TRIP11: variants seen among roughly 807,000 people sequenced by gnomAD.
TRIP11 encodes thyroid receptor-interacting protein 11.
A neutral mutation model predicts 223.1 loss-of-function variants in TRIP11; 148 were observed. The observed-to-expected ratio is 0.66, with a 90% CI of 0.58 to 0.76. TRIP11 has a LOEUF of 0.76. Ranked by LOEUF, TRIP11 falls within the 30% of genes least tolerant of loss-of-function variation. TRIP11 has a pLI of 0.00. For missense variants in TRIP11, 2,043 were observed against 2,222.0 expected (o/e 0.92, Z 1.62); for synonymous variants, 762 against 772.6 (o/e 0.99, Z 0.23).
chr14:92,004,603 T>C lies in TRIP11; in HGVS notation c.3373A>G (p.Ile1125Val). 1 of 1,614,128 alleles carries C rather than the reference T, an allele frequency of 6.2e-7. No homozygotes were observed. Among genetic ancestry groups the C allele is most frequent in the Non-Finnish European group, 8.5e-7 (1 of 1,180,028 alleles). Residue 1125 changes from isoleucine to valine, a missense_variant, in exon 11 of 21, where the codon ATT becomes GTT. Ile to Val is a conservative substitution (Grantham distance 29). Coordinates refer to ENST00000267622, the MANE Select transcript of TRIP11 (RefSeq NM_004239.4). ...LKTEYHKMMD[I>V]VAAKEAALIK... ...AGAGCTGCTTCCTTGGCAGCAACAA[T>C]ATCCATCATTTTGTGATATTCTGTT...
intron 1 of TRIP11, among the ~76,000 whole-genome samples, chr14:92,036,830 G>C (rs1285665420): frequency 6.6e-6 from 1 of 152,052 alleles, no homozygotes; most frequent in Non-Finnish European, 1.5e-5. Flanking sequence ...TAACTACTGG[G>C]CTCAAGCAAA....
At chr14:92,018,791 AT>A (rs2057069885) in intron 4 of TRIP11, among the ~76,000 whole-genome samples, 1 of 151,816 alleles carries the variant, frequency 6.6e-6, no homozygotes, top group Non-Finnish European at 1.5e-5. Context: ...CCCCGTCACT[AT>A]TAAAAATACA....
rs867996273 is a variant in TRIP11, at chr14:91,968,649, G to A, written c.*1024C>T. 1 of 224,988 alleles carries A rather than the reference G, an allele frequency of 4.4e-6. No homozygotes were observed. Among genetic ancestry groups the A allele is most frequent in the African/African-American group, 2.2e-5 (1 of 44,816 alleles). 13.9% of individuals were successfully genotyped at this position (224,988 alleles called of 1,614,324 possible). On this transcript the variant is annotated 3_prime_UTR_variant, in exon 21 of 21. Transcript: ENST00000267622. ...TAGATACCTTAGCTGTTAAAACTAA[G>A]TGATATATCTGCACTATATGCTCAA...
chr14:91,992,685 G>A (rs895966614), intron 15 of TRIP11, among the ~76,000 whole-genome samples: 36 of 151,778 alleles, frequency 2.4e-4, no homozygotes, highest in Admixed American at 3.9e-4. Context: ...CAAGGCGGGC[G>A]GATCACGAGG....
intron 11 of TRIP11, among the ~76,000 whole-genome samples, chr14:92,002,939 A>G (rs2056845807): frequency 6.6e-6 from 1 of 152,038 alleles, no homozygotes; most frequent in Non-Finnish European, 1.5e-5. Context: ...TGGTTCCTCA[A>G]ACTTTTCAGT....
chr14:92,037,145 C>T lies in TRIP11; in HGVS notation c.139+2402G>A, dbSNP rs1432615015. Among the ~76,000 whole-genome samples the T allele has an allele frequency of 6.6e-6, 1 of 152,208 alleles. No individual in the cohort carries two copies. The highest frequency in any genetic ancestry group is 1.5e-5 in the Non-Finnish European group (1 of 68,040). ...AACTTTGCAGATTTCTAATCACGCA[C>T]TTGTGCCATTTTTATTGAGCATCTA... is the stretch of plus-strand genomic sequence containing the variant. On this transcript the variant is annotated intron_variant, in intron 1 of 20. Transcript: ENST00000267622. This position sits in a 1 kb window ranked among gnomAD's most constrained non-coding sequence, Gnocchi z 4.2.
chr14:91,970,215 T>C (rs992070386), intron 20 of TRIP11, among the ~76,000 whole-genome samples: 7 of 152,098 alleles, frequency 4.6e-5, no homozygotes, highest in Non-Finnish European at 1.0e-4. Context: ...GAGACCAGCC[T>C]GGCCAACATG....
intron 2 of TRIP11, among the ~76,000 whole-genome samples, chr14:92,031,126 C>T (rs925459000): frequency 6.6e-6 from 1 of 151,974 alleles, no homozygotes; most frequent in Non-Finnish European, 1.5e-5. Flanking sequence ...TATTTACTTA[C>T]TTACTTACTT....
chr14:92,023,127 A>G lies in TRIP11; in HGVS notation c.313-1296T>C, dbSNP rs1247362053. Among the ~76,000 whole-genome samples, 4 of 152,218 alleles carry G rather than the reference A, an allele frequency of 2.6e-5. 1 individual carries two copies. Among genetic ancestry groups the G allele is most frequent in the African/African-American group, 9.6e-5 (4 of 41,456 alleles). On this transcript the variant is annotated intron_variant, in intron 3 of 20. Coordinates refer to ENST00000267622, the MANE Select transcript of TRIP11 (RefSeq NM_004239.4). ...GTAATAACAGATATTTCCAAACCTG[A>G]ATGCTTAATGTGCCCTCTAATATCG...
rs2057332937 is a variant in TRIP11 at position 92,037,093 on chromosome 14, A to G, written c.139+2454T>C. Among the ~76,000 whole-genome samples, 1 of 152,230 alleles carries G rather than the reference A, an allele frequency of 6.6e-6. No individual in the cohort carries two copies. The highest frequency in any genetic ancestry group is 2.4e-5 in the African/African-American group (1 of 41,452). ...TGTTAAGCAAGTCCGATTGAAATAC[A>G]AAGGGGAAAGAATAAAGGCATTAAG... is the stretch of plus-strand genomic sequence containing the variant. On this transcript the variant is annotated intron_variant, in intron 1 of 20. Transcript: ENST00000267622. This position sits in a 1 kb window ranked among gnomAD's most constrained non-coding sequence, Gnocchi z 4.2.
At chr14:91,999,504 A>C in intron 12 of TRIP11, 71 bp from the exon 13 acceptor site, 1 of 1,487,714 alleles carries the variant, frequency 6.7e-7, no homozygotes, top group Non-Finnish European at 9.3e-7. Context: ...TTTGTTATCA[A>C]ATCTTTTTCC....
chr14:92,001,458 C>A (rs1163843882), intron 11 of TRIP11, among the ~76,000 whole-genome samples: 2 of 150,434 alleles, frequency 1.3e-5, no homozygotes, highest in East Asian at 3.9e-4. Flanking sequence ...TTGAGAACAT[C>A]CTTTTCTCCC....
intron 20 of TRIP11, among the ~76,000 whole-genome samples, chr14:91,971,432 AACCCAAGCCATC>A: frequency 6.6e-6 from 1 of 152,332 alleles, no homozygotes; most frequent in South Asian, 2.1e-4. Context: ...AGCCTATATC[AACCCAAGCCATC>A]ACCAGCTTTT....
At chr14:91,996,737 G>T (rs1199454505) in intron 13 of TRIP11, among the ~76,000 whole-genome samples, 1 of 152,142 alleles carries the variant, frequency 6.6e-6, no homozygotes, top group East Asian at 1.9e-4. Flanking sequence ...TATTCATGGT[G>T]AATTCACAAC....
intron 16 of TRIP11, among the ~76,000 whole-genome samples, chr14:91,982,997 G>T (rs2056563282): frequency 6.6e-6 from 1 of 152,120 alleles, no homozygotes; most frequent in Non-Finnish European, 1.5e-5. Context: ...TCCAGATTAT[G>T]ACACACAGTT....
chr14:92,040,031 G>A lies in TRIP11; in HGVS notation c.-346C>T, dbSNP rs1409269943. The A allele has an allele frequency of 4.7e-6, 2 of 425,412 alleles. No individual in the cohort carries two copies. The highest frequency in any genetic ancestry group is 2.4e-5 in the South Asian group (1 of 41,936). 26.4% of individuals were successfully genotyped at this position (425,412 alleles called of 1,614,324 possible). The stretch of plus-strand genomic sequence containing the variant: ...CTGCCAACTCGACGCCGGCCGCCAT[G>A]ACACTCGCTCGGAAAGCGGCAGCGG... On this transcript the variant is annotated 5_prime_UTR_variant, in exon 1 of 21. Coordinates refer to ENST00000267622, the MANE Select transcript of TRIP11 (RefSeq NM_004239.4).
intron 4 of TRIP11, among the ~76,000 whole-genome samples, chr14:92,020,357 T>C (rs1472923386): frequency 6.6e-6 from 1 of 151,950 alleles, no homozygotes; most frequent in African/African-American, 2.4e-5. Flanking sequence ...CTGTATAAAA[T>C]CTGATATATA....
rs969957342 is a variant in TRIP11, at chr14:92,037,760, C to G, written c.139+1787G>C. 3.9e-5 allele frequency among the ~76,000 whole-genome samples: 6 copies of G among 152,182 alleles called. No individual in the cohort carries two copies. Among genetic ancestry groups the G allele is most frequent in the Admixed American group, 2.0e-4 (3 of 15,290 alleles). ...GTGTGGTGGCACACGCCTGTAATCC[C>G]AGCTACTTGGGAGGCTGAGGCAGGA... On this transcript the variant is annotated intron_variant, in intron 1 of 20. Coordinates refer to ENST00000267622, the MANE Select transcript of TRIP11 (RefSeq NM_004239.4). The surrounding 1 kb of genome is among the most constrained non-coding windows in gnomAD (Gnocchi z 4.2).
At chr14:91,998,990 G>A (rs977840282) in intron 13 of TRIP11, among the ~76,000 whole-genome samples, 1 of 152,068 alleles carries the variant, frequency 6.6e-6, no homozygotes, top group African/African-American at 2.4e-5. Context: ...AGTGATCTAG[G>A]GTGATGGTCA....
Sources: allele counts gnomAD v4.1 joint callset (sites outside exome capture counted in the v4.1 genomes callset), GRCh38; gene constraint gnomAD v4.1.1; non-coding constraint Gnocchi (gnomAD v3.1); transcripts MANE v1.5; gene names NCBI Gene and HGNC (gene_info 2026-07-23, HGNC 2026-07-21).